EIF3H: variants seen among roughly 807,000 people sequenced by gnomAD.
The protein encoded by EIF3H is eIF-3-gamma.
A neutral mutation model predicts 44.2 loss-of-function variants in EIF3H; 26 were observed. The ratio of observed to expected loss-of-function variants is 0.59; its 90% confidence interval spans 0.43 to 0.82. The LOEUF (loss-of-function observed/expected upper bound fraction) is 0.82. EIF3H is among the 40% of genes least tolerant of loss of function. EIF3H has a pLI of 0.00. For missense variants in EIF3H, 359 were observed against 432.8 expected (o/e 0.83, Z 1.51); for synonymous variants, 166 against 151.9 (o/e 1.09, Z -0.68).
intron 1 of EIF3H, among the ~76,000 whole-genome samples, chr8:116,730,772 A>AG (rs1464671414): frequency 2.6e-5 from 4 of 152,258 alleles, no homozygotes; most frequent in African/African-American, 9.6e-5. Flanking sequence ...GGCACATAAA[A>AG]GATACTCAAA....
At chr8:116,668,125 C>T (rs16888632) in intron 2 of EIF3H, among the ~76,000 whole-genome samples, 15,413 of 152,242 alleles carry the variant, frequency 0.1, 1,136 homozygotes, top group African/African-American at 0.2. Context: ...TTATAATAGT[C>T]AACTACCTTC....
At chr8:116,752,782 AGGG>A (rs1563663212) in intron 1 of EIF3H, among the ~76,000 whole-genome samples, 8,500 of 59,926 alleles carry the variant, frequency 0.14, 1,016 homozygotes, top group South Asian at 0.2. Context: ...GGAGGGAGGG[AGGG>A]AGGGAGGGAG....
intron 1 of EIF3H, among the ~76,000 whole-genome samples, chr8:116,743,436 G>A (rs1815162850): frequency 6.6e-6 from 1 of 151,918 alleles, no homozygotes; most frequent in African/African-American, 2.4e-5. Context: ...GGGCAACAGA[G>A]CAAGATCCTG....
At chr8:116,745,741 G>C (rs1441720138) in intron 1 of EIF3H, among the ~76,000 whole-genome samples, 1 of 152,052 alleles carries the variant, frequency 6.6e-6, no homozygotes, top group Non-Finnish European at 1.5e-5. Flanking sequence ...GACCAGTCTG[G>C]CCAACATGGC....
At chr8:116,648,428 G>A (rs558930410) in intron 6 of EIF3H, among the ~76,000 whole-genome samples, 2 of 152,044 alleles carry the variant, frequency 1.3e-5, no homozygotes, top group Non-Finnish European at 2.9e-5. Context: ...CAATTGCTCC[G>A]TTTTTTAAAT....
chr8:116,654,527 GAAA>G (rs1330503603), intron 5 of EIF3H, among the ~76,000 whole-genome samples: 1 of 152,188 alleles, frequency 6.6e-6, no homozygotes, highest in Non-Finnish European at 1.5e-5. Flanking sequence ...CTTGTATGCT[GAAA>G]AAGGTTCTTA....
intron 1 of EIF3H, among the ~76,000 whole-genome samples, chr8:116,749,172 T>C (rs1815287400): frequency 6.6e-6 from 1 of 152,224 alleles, no homozygotes; most frequent in African/African-American, 2.4e-5. Flanking sequence ...CACTGAATTA[T>C]GGAGGAGACA....
At chr8:116,741,471 G>C (rs1427038955) in intron 1 of EIF3H, among the ~76,000 whole-genome samples, 2 of 152,176 alleles carry the variant, frequency 1.3e-5, no homozygotes, top group Non-Finnish European at 2.9e-5. Flanking sequence ...GTGTGTTTAT[G>C]TGTAATTTTC....
At chr8:116,754,771 A>G (rs1351545481) in intron 1 of EIF3H, among the ~76,000 whole-genome samples, 1 of 152,260 alleles carries the variant, frequency 6.6e-6, no homozygotes, top group Non-Finnish European at 1.5e-5. Flanking sequence ...AGTTCAACAG[A>G]TTCAATTATA....
chr8:116,680,367 G>A (rs1813961141), intron 2 of EIF3H, among the ~76,000 whole-genome samples: 2 of 62,004 alleles, frequency 3.2e-5, no homozygotes, highest in Admixed American at 1.3e-4. Context: ...TGACAATGGC[G>A]GTTTTGTGGA....
At chr8:116,655,747 TA>T in intron 5 of EIF3H, 108 bp downstream of exon 5, 1 of 1,202,228 alleles carries the variant, frequency 8.3e-7, no homozygotes, top group Non-Finnish European at 1.2e-6. Flanking sequence ...TAAGAACCTA[TA>T]AACGTTCTTA....
intron 1 of EIF3H, chr8:116,734,199 A>G: frequency 4.5e-6 from 2 of 447,898 alleles, no homozygotes; most frequent in South Asian, 3.2e-5. Context: ...CAATTAGGAA[A>G]ATTAATGTGA....
At chr8:116,701,807 C>T (rs1814380105) in intron 2 of EIF3H, among the ~76,000 whole-genome samples, 1 of 152,068 alleles carries the variant, frequency 6.6e-6, no homozygotes, top group African/African-American at 2.4e-5. Context: ...TAAAGAGATA[C>T]AATGAAATCC....
intron 2 of EIF3H, among the ~76,000 whole-genome samples, chr8:116,683,632 A>C (rs557003639): frequency 2.6e-5 from 4 of 152,364 alleles, no homozygotes; most frequent in Admixed American, 2.0e-4. Context: ...ATGGGGATGG[A>C]TGACATAAAT....
intron 2 of EIF3H, among the ~76,000 whole-genome samples, chr8:116,673,024 A>AAC (rs1813783870): frequency 6.7e-6 from 1 of 148,570 alleles, no homozygotes; most frequent in East Asian, 2.0e-4. Flanking sequence ...AAAAAAAAAA[A>AAC]CACCACAAAA....
chr8:116,701,118 T>C (rs1814368971), intron 2 of EIF3H, among the ~76,000 whole-genome samples: 1 of 152,188 alleles, frequency 6.6e-6, no homozygotes, highest in South Asian at 2.1e-4. Context: ...ACAGTAATTT[T>C]TGGGGGGCTG....
At chr8:116,730,859 A>G (rs1246583284) in intron 1 of EIF3H, among the ~76,000 whole-genome samples, 1 of 152,244 alleles carries the variant, frequency 6.6e-6, no homozygotes. Context: ...CTTACGTGCA[A>G]GGACTCATTT....
intron 6 of EIF3H, 144 bp downstream of exon 6, chr8:116,648,662 A>G: frequency 9.5e-7 from 1 of 1,047,392 alleles, no homozygotes; most frequent in Non-Finnish European, 1.2e-6. Flanking sequence ...ACATGCCATA[A>G]AAATAATAAT....
chr8:116,695,902 G>A (rs557204503), intron 2 of EIF3H, among the ~76,000 whole-genome samples: 3 of 152,206 alleles, frequency 2.0e-5, no homozygotes, highest in East Asian at 3.8e-4. Context: ...ATATGAAAAG[G>A]GAGAAAAGTA....
Sources: gnomAD v4.1 joint callset for allele counts (sites outside exome capture counted in the v4.1 genomes callset) on GRCh38, gnomAD v4.1.1 for gene constraint, MANE v1.5 for transcripts, NCBI Gene and HGNC (gene_info 2026-07-23, HGNC 2026-07-21) for gene names.